Variants in MTCL2 observed in about 807,000 individuals in gnomAD.
MTCL2 encodes microtubule crosslinking factor 2, also known as microtubule cross-linking factor 2.
the MTCL2 span, chr20:36,808,529 C>A: frequency 1.9e-6 from 3 of 1,598,902 alleles, no homozygotes; most frequent in East Asian, 2.3e-5. Context: ...GAAGTCATCC[C>A]CTTCGCTGGG....
At chr20:36,810,206 G>C in the MTCL2 span, 31 of 1,421,448 alleles carry the variant, frequency 2.2e-5, no homozygotes, top group Non-Finnish European at 2.9e-5. Flanking sequence ...GGGAACGATG[G>C]GATGTTGGAC....
At chr20:36,818,957 C>T in the MTCL2 span, among the ~76,000 whole-genome samples, 1 of 152,184 alleles carries the variant, frequency 6.6e-6, no homozygotes, top group Admixed American at 6.6e-5. Flanking sequence ...TATTCAACCC[C>T]ACTCCTGTTA....
At chr20:36,794,695 A>G in the MTCL2 span, 2 of 1,500,468 alleles carry the variant, frequency 1.3e-6, no homozygotes, top group African/African-American at 1.4e-5. The surrounding 1 kb of genome is among the most constrained non-coding windows in gnomAD (Gnocchi z 5.4). Context: ...GCGTGAGGGC[A>G]AAGACCAGGA....
chr20:36,837,681 G>C, the MTCL2 span, among the ~76,000 whole-genome samples: 2 of 151,528 alleles, frequency 1.3e-5, no homozygotes, highest in Non-Finnish European at 2.9e-5. Flanking sequence ...GGGTTCAAGC[G>C]ATTCTCCTGT....
the MTCL2 span, among the ~76,000 whole-genome samples, chr20:36,816,580 C>T: frequency 1.3e-5 from 2 of 152,104 alleles, no homozygotes; most frequent in South Asian, 2.1e-4. Context: ...TAAAATGGGG[C>T]GGTAACATTA....
chr20:36,794,314 G>A, the MTCL2 span: 1 of 1,566,790 alleles, frequency 6.4e-7, no homozygotes, highest in Non-Finnish European at 8.7e-7. This position sits in a 1 kb window ranked among gnomAD's most constrained non-coding sequence, Gnocchi z 5.4. Flanking sequence ...GGGCCACCGG[G>A]GGACTATAGT....
At chr20:36,839,492 A>T in the MTCL2 span, 1 of 1,561,154 alleles carries the variant, frequency 6.4e-7, no homozygotes, top group Non-Finnish European at 8.8e-7. This position sits in a 1 kb window ranked among gnomAD's most constrained non-coding sequence, Gnocchi z 5.1. Flanking sequence ...AGCAGCTAGG[A>T]GGCCGGAGTA....
the MTCL2 span, chr20:36,797,449 C>G: frequency 6.5e-7 from 1 of 1,540,714 alleles, no homozygotes; most frequent in Non-Finnish European, 8.8e-7. Context: ...AAGCAGGGAC[C>G]TTTATGGTGC....
chr20:36,843,099 C>T, the MTCL2 span, among the ~76,000 whole-genome samples: 52 of 152,346 alleles, frequency 3.4e-4, no homozygotes, highest in Non-Finnish European at 1.8e-4. Context: ...TCTGTCCGAG[C>T]ACCCCTCACC....
chr20:36,815,387 C>T, the MTCL2 span: 1 of 1,613,322 alleles, frequency 6.2e-7, no homozygotes, highest in Non-Finnish European at 8.5e-7. This position sits in a 1 kb window ranked among gnomAD's most constrained non-coding sequence, Gnocchi z 5.3. Flanking sequence ...ACTCGTTGTC[C>T]AGACACAGCC....
the MTCL2 span, chr20:36,793,709 C>T: frequency 5.8e-6 from 9 of 1,546,560 alleles, no homozygotes; most frequent in East Asian, 7.3e-5. The surrounding 1 kb of genome is among the most constrained non-coding windows in gnomAD (Gnocchi z 6.8). Flanking sequence ...CCACAGGCTG[C>T]GGTCCTTGCT....
At chr20:36,821,552 A>C in the MTCL2 span, among the ~76,000 whole-genome samples, 1 of 152,002 alleles carries the variant, frequency 6.6e-6, no homozygotes, top group Admixed American at 6.6e-5. Context: ...AAAACAAAAC[A>C]GACAAAATGC....
At chr20:36,846,775 G>T in the MTCL2 span, among the ~76,000 whole-genome samples, 1 of 152,210 alleles carries the variant, frequency 6.6e-6, no homozygotes, top group African/African-American at 2.4e-5. Flanking sequence ...GGGAGGCCGA[G>T]GCGGATGGAT....
At chr20:36,863,145 G>A in the MTCL2 span, 13 of 1,389,886 alleles carry the variant, frequency 9.4e-6, no homozygotes, top group African/African-American at 1.5e-5. This position sits in a 1 kb window ranked among gnomAD's most constrained non-coding sequence, Gnocchi z 6.2. Context: ...CGGCCGTGAG[G>A]AGAACGCGGC....
the MTCL2 span, among the ~76,000 whole-genome samples, chr20:36,827,386 T>C: frequency 7.4e-5 from 9 of 121,192 alleles, no homozygotes; most frequent in Non-Finnish European, 1.5e-4. Context: ...TTTTTGGAGA[T>C]AGGGTCTCAC....
chr20:36,811,193 T>C, the MTCL2 span, among the ~76,000 whole-genome samples: 38 of 152,342 alleles, frequency 2.5e-4, 1 homozygote, highest in South Asian at 7.9e-3. Context: ...CTACATACTG[T>C]CTGCTGTCCC....
chr20:36,794,274 T>G, the MTCL2 span: 2 of 1,551,972 alleles, frequency 1.3e-6, no homozygotes, highest in Non-Finnish European at 1.7e-6. This position sits in a 1 kb window ranked among gnomAD's most constrained non-coding sequence, Gnocchi z 5.4. Context: ...TTGCCCTCTT[T>G]GTCATGAACC....
the MTCL2 span, among the ~76,000 whole-genome samples, chr20:36,847,818 C>T: frequency 6.9e-6 from 1 of 144,442 alleles, no homozygotes; most frequent in African/African-American, 2.6e-5. Context: ...TGCACCACTA[C>T]ACTCCAGCCT....
chr20:36,793,636 G>A, the MTCL2 span: 1 of 1,551,248 alleles, frequency 6.4e-7, no homozygotes, highest in East Asian at 2.4e-5. This position sits in a 1 kb window ranked among gnomAD's most constrained non-coding sequence, Gnocchi z 6.8. Context: ...TCAATACAGG[G>A]CTGTCCCGCG....
Sources: gnomAD v4.1 joint callset for allele counts (sites outside exome capture counted in the v4.1 genomes callset) on GRCh38, gnomAD v4.1.1 for gene constraint, Gnocchi (gnomAD v3.1) non-coding constraint, MANE v1.5 for transcripts, NCBI Gene and HGNC (gene_info 2026-07-23, HGNC 2026-07-21) for gene names.